The following BRIP1 variants were observed in gnomAD, a reference collection of about 807,000 sequenced individuals.
BRIP1 encodes the protein Fanconi anemia group J protein.
Under a neutral mutation model 119.7 loss-of-function variants are expected in BRIP1, and 88 were observed. The ratio of observed to expected loss-of-function variants is 0.74; its 90% CI spans 0.62 to 0.88. The LOEUF (loss-of-function observed/expected upper bound fraction) is 0.88, where lower values mean the gene tolerates loss of function less well. Ranked by LOEUF, BRIP1 falls within the 40% of genes least tolerant of loss-of-function variation. BRIP1 has a pLI of 0.00. For synonymous variants in BRIP1, 443 were observed against 496.5 expected (o/e 0.89, Z 1.43); for missense variants, 1,259 against 1,455.4 (o/e 0.87, Z 2.20).
rs760570148 is a variant in BRIP1 at position 61,793,760 on chromosome 17, A to G, written c.1341-31T>C. ...ATAAAATAAAACAATTGTGTCAACC[A>G]GTATCATCCTTACACACACTATTTC... On this transcript the variant is annotated intron_variant, in intron 9 of 19. Coordinates refer to ENST00000259008, the MANE Select transcript of BRIP1 (RefSeq NM_032043.3). The surrounding 1 kb of genome is among the most constrained non-coding windows in gnomAD (Gnocchi z 5.2). 1.6e-5 allele frequency: 25 copies of G among 1,599,904 alleles called. No individual in the cohort carries two copies. Among genetic ancestry groups the G allele is most frequent in the Non-Finnish European group, 1.9e-5 (22 of 1,174,994 alleles).
In BRIP1 at chr17:61,853,252, GA is replaced by G. The variant is rs2078847891; in HGVS notation, c.379+3805del. ...AATTCCATTTTTTTTTTTTGAGATGGAGTTTCACTCTATTTCTGTAAAAAGG... is the reference window on the plus strand; with the variant it reads ...AATTCCATTTTTTTTTTTTGAGATGGGTTTCACTCTATTTCTGTAAAAAGG... On this transcript the variant is annotated intron_variant, in intron 4 of 19. Coordinates refer to ENST00000259008, the MANE Select transcript of BRIP1 (RefSeq NM_032043.3). This position sits in a 1 kb window ranked among gnomAD's most constrained non-coding sequence, Gnocchi z 4.3. 6.6e-6 allele frequency among the ~76,000 whole-genome samples: 1 copy of G among 151,560 alleles called. No individual in the cohort carries two copies. The highest frequency in any genetic ancestry group is 2.1e-4 in the South Asian group (1 of 4,804).
Position 61,823,095 on chromosome 17 carries a change from T to G in BRIP1, c.628-14338A>C, listed in dbSNP as rs2078350441. ...TCTTTCTTTAAAAGATTCATACATG[T>G]TTCCAATGCTGTTGTCAATATCAAT... On this transcript the variant is annotated intron_variant, in intron 6 of 19. Transcript: ENST00000259008. This position sits in a 1 kb window ranked among gnomAD's most constrained non-coding sequence, Gnocchi z 4.8. Among the ~76,000 whole-genome samples, 1 of 152,224 alleles carries G rather than the reference T, an allele frequency of 6.6e-6. No homozygotes were observed. Among genetic ancestry groups the G allele is most frequent in the Non-Finnish European group, 1.5e-5 (1 of 68,046 alleles).
rs2077428147 is a variant in BRIP1, at chr17:61,770,214, C to CTAA, written c.2097+6184_2097+6186dup. Among the ~76,000 whole-genome samples the CTAA allele has an allele frequency of 6.6e-6, 1 of 152,142 alleles. No homozygotes were observed. Among genetic ancestry groups the CTAA allele is most frequent in the Non-Finnish European group, 1.5e-5 (1 of 68,020 alleles). ...GTCACAGGCAAGGGACACAGTCATG[C>CTAA]TAAAAGACTGAGACATAATCATAGG... On this transcript the variant is annotated intron_variant, in intron 14 of 19. Coordinates refer to ENST00000259008, the MANE Select transcript of BRIP1 (RefSeq NM_032043.3). The surrounding 1 kb of genome is among the most constrained non-coding windows in gnomAD (Gnocchi z 4.7).
In BRIP1 at chr17:61,776,299, CTACCCTA is replaced by C; in HGVS notation, c.2097+95_2097+101del. On this transcript the variant is annotated intron_variant, in intron 14 of 19. Coordinates refer to ENST00000259008, the MANE Select transcript of BRIP1 (RefSeq NM_032043.3). The surrounding 1 kb of genome is among the most constrained non-coding windows in gnomAD (Gnocchi z 5.0). ...AACTATAGTTATTACCTTGTTGCCT[CTACCCTA>C]GGAAGCTTACTGTGGTAATTTTAAA... The C allele has an allele frequency of 1.5e-6, 2 of 1,323,776 alleles. No homozygotes were observed. The highest frequency in any genetic ancestry group is 1.1e-6 in the Non-Finnish European group (1 of 924,058). 82.0% of individuals were successfully genotyped at this position (1,323,776 alleles called of 1,614,324 possible). A position where few individuals can be genotyped will look rare whatever the true frequency, so the allele number is the denominator to read the frequency against.
rs931866304 is a variant in BRIP1, at chr17:61,769,175, T to C, written c.2097+7226A>G. Among the ~76,000 whole-genome samples, 5 of 152,188 alleles carry C rather than the reference T, an allele frequency of 3.3e-5. No individual in the cohort carries two copies. The highest frequency in any genetic ancestry group is 9.7e-5 in the African/African-American group (4 of 41,442). Reference sequence around the variant, plus strand: ...GCCTTTAGTGAGACCACAACCCCAGTTGACTCTGCTGGGAGCCTTGTAATA... The same window carrying C: ...GCCTTTAGTGAGACCACAACCCCAGCTGACTCTGCTGGGAGCCTTGTAATA... On this transcript the variant is annotated intron_variant, in intron 14 of 19. Coordinates refer to ENST00000259008, the MANE Select transcript of BRIP1 (RefSeq NM_032043.3). This position sits in a 1 kb window ranked among gnomAD's most constrained non-coding sequence, Gnocchi z 4.9.
At position 61,683,772 on chromosome 17, in the gene BRIP1, G is replaced by A. The variant is rs768065626; in HGVS notation, c.3274C>T (p.Pro1092Ser). The change falls in exon 20 of 20, where the codon CCG becomes TCG. Residue 1092 changes from proline to serine, a missense_variant. Physicochemically the swap from Pro to Ser is moderately conservative, Grantham distance 74 (BLOSUM62 -1). Transcript: ENST00000259008. This position sits in a 1 kb window ranked among gnomAD's most constrained non-coding sequence, Gnocchi z 4.7. Reference sequence around the variant, plus strand: ...TCCAGGGCTTCTTCAGAACAGAGCGGATGTTCAGAATGATTTTTTCTAGTA... The same window carrying A: ...TCCAGGGCTTCTTCAGAACAGAGCGAATGTTCAGAATGATTTTTTCTAGTA... Reference protein sequence around the residue: ...TLTRKNHSEHPLCSEEALDPD... With the variant: ...TLTRKNHSEHSLCSEEALDPD... 1.2e-6 allele frequency: 2 copies of A among 1,614,056 alleles called. No homozygotes were observed. Among genetic ancestry groups the A allele is most frequent in the East Asian group, 4.5e-5 (2 of 44,888 alleles).
rs113683464 is a variant in BRIP1, at chr17:61,851,351, A to T, written c.380-2095T>A. 4.2e-4 allele frequency among the ~76,000 whole-genome samples: 64 copies of T among 152,320 alleles called. No homozygotes were observed. The highest frequency in any genetic ancestry group is 1.5e-3 in the African/African-American group (62 of 41,562). On this transcript the variant is annotated intron_variant, in intron 4 of 19. Coordinates refer to ENST00000259008, the MANE Select transcript of BRIP1 (RefSeq NM_032043.3). The surrounding 1 kb of genome is among the most constrained non-coding windows in gnomAD (Gnocchi z 4.6). ...ATGTTTCTTTCTTTATAAGGTTCTT[A>T]GAAACACAGTTTGAAAACCACTATA...
rs1027951214 is a variant in BRIP1 at position 61,708,788 on chromosome 17, G to T, written c.2492+7163C>A. 6.6e-6 allele frequency among the ~76,000 whole-genome samples: 1 copy of T among 152,114 alleles called. No homozygotes were observed. Among genetic ancestry groups the T allele is most frequent in the Non-Finnish European group, 1.5e-5 (1 of 68,028 alleles). ...TGGGAAGTTTGCTATAGGGTAATTTGGCAGGAACTGGGCCAATTTGTAGAT... is the reference window on the plus strand; with the variant it reads ...TGGGAAGTTTGCTATAGGGTAATTTTGCAGGAACTGGGCCAATTTGTAGAT... On this transcript the variant is annotated intron_variant, in intron 17 of 19. Coordinates refer to ENST00000259008, the MANE Select transcript of BRIP1 (RefSeq NM_032043.3). This position sits in a 1 kb window ranked among gnomAD's most constrained non-coding sequence, Gnocchi z 4.4.
Position 61,701,030 on chromosome 17 carries a change from C to T in BRIP1, c.2493-7518G>A, listed in dbSNP as rs1380610439. ...CAAATTTTATCTCTTTATTGATATT[C>T]CCTATTTAGTGAGGTGAGACATCAT... is the stretch of plus-strand genomic sequence containing the variant. On this transcript the variant is annotated intron_variant, in intron 17 of 19. Coordinates refer to ENST00000259008, the MANE Select transcript of BRIP1 (RefSeq NM_032043.3). This position sits in a 1 kb window ranked among gnomAD's most constrained non-coding sequence, Gnocchi z 5.1. Among the ~76,000 whole-genome samples, 1 of 152,034 alleles carries T rather than the reference C, an allele frequency of 6.6e-6. No homozygotes were observed. Among genetic ancestry groups the T allele is most frequent in the Non-Finnish European group, 1.5e-5 (1 of 68,002 alleles).
rs1555615566 is a variant in BRIP1, at chr17:61,846,246, A to AAG, written c.627+853_627+854dup. ...ACATATAGAGAGAGAGAGAGAGAAA[A>AAG]AGAGAGAGAGAGAGAAAGAGAGAGA... On this transcript the variant is annotated intron_variant, in intron 6 of 19. Coordinates refer to ENST00000259008, the MANE Select transcript of BRIP1 (RefSeq NM_032043.3). The surrounding 1 kb of genome is among the most constrained non-coding windows in gnomAD (Gnocchi z 4.3). Among the ~76,000 whole-genome samples the AAG allele has an allele frequency of 7.2e-5, 9 of 124,800 alleles. No individual in the cohort carries two copies. Among genetic ancestry groups the AAG allele is most frequent in the Non-Finnish European group, 1.5e-5 (1 of 67,202 alleles). The allele number at this position is 124,800 out of a possible 152,430, so 81.9% of individuals were successfully genotyped here.
intron 10 of BRIP1, among the ~76,000 whole-genome samples, chr17:61,784,912 G>GT (rs377704842): frequency 7.8e-4 from 119 of 152,232 alleles, no homozygotes; most frequent in African/African-American, 2.8e-3. Flanking sequence ...TCCTTTCTTT[G>GT]TAAGTTACCC....
rs899717503 is a variant in BRIP1 at position 61,729,241 on chromosome 17, T to A, written c.2380-13178A>T. On this transcript the variant is annotated intron_variant, in intron 16 of 19. Coordinates refer to ENST00000259008, the MANE Select transcript of BRIP1 (RefSeq NM_032043.3). This position sits in a 1 kb window ranked among gnomAD's most constrained non-coding sequence, Gnocchi z 5.6. Reference sequence around the variant, plus strand: ...TTGTGGTGAGCCAAGATCACGCCATTGCACTCCAGCCTGGGAAACAAAAGC... The same window carrying A: ...TTGTGGTGAGCCAAGATCACGCCATAGCACTCCAGCCTGGGAAACAAAAGC... Among the ~76,000 whole-genome samples the A allele has an allele frequency of 6.6e-6, 1 of 151,950 alleles. No individual in the cohort carries two copies. The highest frequency in any genetic ancestry group is 1.5e-5 in the Non-Finnish European group (1 of 68,000).
chr17:61,766,285 GAACA>G (rs935981840), intron 14 of BRIP1, among the ~76,000 whole-genome samples: 1 of 152,018 alleles, frequency 6.6e-6, no homozygotes, highest in African/African-American at 2.4e-5. Context: ...ATAAACAAAG[GAACA>G]AACAAAGGAA....
chr17:61,730,353 T>C lies in BRIP1; in HGVS notation c.2379+12660A>G, dbSNP rs771559294. On this transcript the variant is annotated intron_variant, in intron 16 of 19. Transcript: ENST00000259008. The surrounding 1 kb of genome is among the most constrained non-coding windows in gnomAD (Gnocchi z 4.3). The stretch of plus-strand genomic sequence containing the variant: ...ATTTGACTGAATAAACTGATTAAAA[T>C]TCACAACTAAAATTCTCCTCAAAAG... 6.6e-6 allele frequency among the ~76,000 whole-genome samples: 1 copy of C among 152,182 alleles called. No individual in the cohort carries two copies. The highest frequency in any genetic ancestry group is 1.5e-5 in the Non-Finnish European group (1 of 68,032).
At chr17:61,835,349 C>T (rs916704777) in intron 6 of BRIP1, among the ~76,000 whole-genome samples, 4 of 150,972 alleles carry the variant, frequency 2.6e-5, no homozygotes, top group Non-Finnish European at 5.9e-5. Context: ...ACTACTAGCA[C>T]CAAAAAAAAT....
rs786203708 is a variant in BRIP1 at position 61,808,717 on chromosome 17, T to C, written c.668A>G (p.Gln223Arg). 1.7e-5 allele frequency: 28 copies of C among 1,613,724 alleles called. No individual in the cohort carries two copies. The highest frequency in any genetic ancestry group is 2.3e-5 in the Non-Finnish European group (27 of 1,179,948). ...ATTCGATGACTCTTGACTGTTTCCT[T>C]GTTTAGTAGAACAACAGCACCTAGA... ...HCSRCCCSTKQGNSQESSNTI... is the reference protein window; with the variant it reads ...HCSRCCCSTKRGNSQESSNTI... Residue 223 changes from glutamine (Q) to arginine (R), a missense_variant, in exon 7 of 20, where the codon CAA (glutamine) becomes CGA (arginine). Around this residue, in one of 3 missense-constraint regions of BRIP1, gnomAD observed 501 missense variants for 544.0 expected, o/e 0.92. Transcript: ENST00000259008. The surrounding 1 kb of genome is among the most constrained non-coding windows in gnomAD (Gnocchi z 4.1).
intron 6 of BRIP1, among the ~76,000 whole-genome samples, chr17:61,836,379 G>A (rs1428556661): frequency 6.6e-6 from 1 of 152,026 alleles, no homozygotes; most frequent in Non-Finnish European, 1.5e-5. Flanking sequence ...GCCTCCCCAA[G>A]TGCTGGGATT....
intron 6 of BRIP1, among the ~76,000 whole-genome samples, chr17:61,826,753 A>G (rs867215849): frequency 1.3e-5 from 2 of 150,434 alleles, no homozygotes; most frequent in African/African-American, 2.4e-5. Flanking sequence ...AAAAAAAAAA[A>G]AAAACAGATG....
chr17:61,849,115 T>C lies in BRIP1; in HGVS notation c.507+14A>G, dbSNP rs754102734. 7.4e-6 allele frequency: 12 copies of C among 1,613,452 alleles called. No homozygotes were observed. In the Admixed American group the frequency reaches 8.3e-5, roughly 11 times the overall value. ...AACTAACTGGGTTATTTACTGCCAATAAACTCTGTTTACCTGCTGTGTAGT... is the reference window on the plus strand; with the variant it reads ...AACTAACTGGGTTATTTACTGCCAACAAACTCTGTTTACCTGCTGTGTAGT... On this transcript the variant is annotated intron_variant, in intron 5 of 19. Transcript: ENST00000259008.
Sources: allele counts gnomAD v4.1 joint callset (sites outside exome capture counted in the v4.1 genomes callset), GRCh38; gene constraint gnomAD v4.1.1; regional missense constraint gnomAD v4.1.1; non-coding constraint Gnocchi (gnomAD v3.1); transcripts MANE v1.5; gene names NCBI Gene and HGNC (gene_info 2026-07-23, HGNC 2026-07-21).